HEATR5B: variants seen among roughly 807,000 people sequenced by gnomAD.
HEATR5B encodes the protein HEAT repeat-containing protein 5B.
In HEATR5B, 156 loss-of-function variants were observed where a neutral mutation model predicts 224.1. The observed-to-expected ratio is 0.70, with a 90% CI of 0.61 to 0.80. The LOEUF (loss-of-function observed/expected upper bound fraction) is 0.80, where lower values mean the gene tolerates loss of function less well. Ranked by LOEUF, HEATR5B falls within the 30% of genes least tolerant of loss-of-function variation. The probability of loss-of-function intolerance (pLI) is 0.00; values close to 1 mark genes in which losing one functional copy is unlikely to be tolerated. For synonymous variants in HEATR5B, 1,027 were observed against 893.0 expected (o/e 1.15, Z -2.68); for missense variants, 2,323 against 2,535.5 (o/e 0.92, Z 1.80).
intron 2 of HEATR5B, among the ~76,000 whole-genome samples, chr2:37,081,739 G>A (rs560516412): frequency 2.6e-5 from 4 of 152,092 alleles, no homozygotes; most frequent in African/African-American, 7.2e-5. Flanking sequence ...GCACAGTTGC[G>A]GTCTGGGAAA....
intron 10 of HEATR5B, 84 bp downstream of exon 10, chr2:37,064,656 C>T: frequency 7.2e-7 from 1 of 1,383,976 alleles, no homozygotes; most frequent in Non-Finnish European, 1.0e-6. Flanking sequence ...TTTGACCACC[C>T]TGTTCAACAC....
At chr2:37,018,780 T>A (rs1047307902) in intron 26 of HEATR5B, among the ~76,000 whole-genome samples, 1 of 152,152 alleles carries the variant, frequency 6.6e-6, no homozygotes. Context: ...ATAAACTGAT[T>A]ACCTAAAAGA....
intron 33 of HEATR5B, among the ~76,000 whole-genome samples, chr2:36,992,742 T>A (rs1006890825): frequency 1.4e-4 from 21 of 152,146 alleles, no homozygotes; most frequent in Admixed American, 2.0e-4. Flanking sequence ...AAAAATTATT[T>A]TTTTTTCTTT....
At chr2:36,990,205 T>A (rs1045545954) in intron 34 of HEATR5B, among the ~76,000 whole-genome samples, 1 of 152,162 alleles carries the variant, frequency 6.6e-6, no homozygotes, top group African/African-American at 2.4e-5. Context: ...TTCAAGAATG[T>A]TTCTGCTTTT....
intron 33 of HEATR5B, among the ~76,000 whole-genome samples, chr2:36,996,973 T>C (rs897036827): frequency 1.8e-5 from 2 of 111,046 alleles, no homozygotes; most frequent in East Asian, 2.8e-4. Context: ...TCAACCCACC[T>C]TGACCTCCTA....
At chr2:37,066,088 T>C (rs552678586) in intron 8 of HEATR5B, among the ~76,000 whole-genome samples, 178 bp from the exon 9 acceptor site, 1 of 152,374 alleles carries the variant, frequency 6.6e-6, no homozygotes, top group East Asian at 1.9e-4. Flanking sequence ...AAAAATGTTG[T>C]TTAATAGCTT....
intron 5 of HEATR5B, among the ~76,000 whole-genome samples, chr2:37,073,543 C>A (rs1013498228): frequency 6.6e-6 from 1 of 151,856 alleles, no homozygotes; most frequent in East Asian, 1.9e-4. Flanking sequence ...CACGCCCAGC[C>A]TGGACGTTGA....
intron 20 of HEATR5B, among the ~76,000 whole-genome samples, chr2:37,039,366 T>C (rs191044812): frequency 6.6e-6 from 1 of 152,024 alleles, no homozygotes; most frequent in Admixed American, 6.6e-5. Flanking sequence ...CTCAGGAGGC[T>C]GAGGCAGGAG....
intron 12 of HEATR5B, 60 bp downstream of exon 12, chr2:37,060,521 A>C: frequency 7.3e-7 from 1 of 1,376,334 alleles, no homozygotes; most frequent in Non-Finnish European, 9.7e-7. Context: ...TTTTTCTTTT[A>C]CTTTACAAAT....
chr2:37,075,583 G>C lies in HEATR5B; in HGVS notation c.499C>G (p.Leu167Val). The part of the protein sequence containing the change: ...LMSLQKVLSG[L>V]GGAAASSHRD... ...TGGGAGGAAGCTGCTGCACCACCCA[G>C]TCCACTTAGAACTTTCTGTAGACTC... The change falls in exon 5 of 36, where the codon CTG (leucine) becomes GTG (valine). Residue 167 changes from leucine (L) to valine (V), a missense_variant. Around this residue, in one of 12 missense-constraint regions of HEATR5B, gnomAD observed 292 missense variants for 332.6 expected, o/e 0.88. Transcript: ENST00000233099. The C allele has an allele frequency of 6.2e-7, 1 of 1,613,410 alleles. No homozygotes were observed. The highest frequency in any genetic ancestry group is 8.5e-7 in the Non-Finnish European group (1 of 1,179,392).
At chr2:37,036,587 C>G (rs949387844) in intron 21 of HEATR5B, among the ~76,000 whole-genome samples, 9 of 151,964 alleles carry the variant, frequency 5.9e-5, no homozygotes, top group Non-Finnish European at 1.0e-4. Context: ...TCTTGGCTCA[C>G]TATAACCTCC....
intron 18 of HEATR5B, among the ~76,000 whole-genome samples, chr2:37,049,313 A>G (rs1670389301): frequency 6.6e-6 from 1 of 152,208 alleles, no homozygotes; most frequent in South Asian, 2.1e-4. Flanking sequence ...ATAAAGAGGG[A>G]CAAGGAAAGG....
At position 37,056,461 on chromosome 2, in the gene HEATR5B, G is replaced by C. The variant is rs753809623; in HGVS notation, c.2378C>G (p.Pro793Arg). ...TAACCGGTGTTTATAAGAAACATGA[G>C]GAAACACTACACCAAAAAGGGCCAC... is the stretch of plus-strand genomic sequence containing the variant. ...ASVALFGVVF[P>R]HVSYKHRLQM... The change falls in exon 16 of 36, where the codon CCT (proline) becomes CGT (arginine). Residue 793 changes from proline to arginine, a missense_variant. Around this residue, in one of 12 missense-constraint regions of HEATR5B, gnomAD observed 170 missense variants for 216.7 expected, o/e 0.78. Transcript: ENST00000233099. 1 of 1,606,882 alleles carries C rather than the reference G, an allele frequency of 6.2e-7. No homozygotes were observed. The highest frequency in any genetic ancestry group is 8.5e-7 in the Non-Finnish European group (1 of 1,177,326).
chr2:37,050,848 GC>G (rs1451831516), intron 17 of HEATR5B, among the ~76,000 whole-genome samples: 1 of 152,092 alleles, frequency 6.6e-6, no homozygotes, highest in Non-Finnish European at 1.5e-5. Flanking sequence ...GACCATCCTG[GC>G]CAACATGGTG....
intron 12 of HEATR5B, among the ~76,000 whole-genome samples, chr2:37,059,470 T>TTA (rs1671141279): frequency 1.5e-5 from 2 of 132,930 alleles, no homozygotes; most frequent in Non-Finnish European, 3.2e-5. Flanking sequence ...ATATATTTTT[T>TTA]TTTTTTTTTT....
intron 21 of HEATR5B, 27 bp from the exon 22 acceptor site, chr2:37,032,800 T>C (rs749392930): frequency 6.2e-7 from 1 of 1,601,338 alleles, no homozygotes. Context: ...TGTTAGGCGA[T>C]TTCTCTTTAA....
At chr2:37,075,714 T>C (rs1672187712) in intron 4 of HEATR5B, 80 bp from the exon 5 acceptor site, 1 of 1,053,868 alleles carries the variant, frequency 9.5e-7, no homozygotes. Context: ...CAAAAGTTCT[T>C]TGGGTCTAAT....
intron 31 of HEATR5B, among the ~76,000 whole-genome samples, chr2:37,003,197 G>C (rs375524849): frequency 1.3e-4 from 19 of 141,200 alleles, no homozygotes; most frequent in African/African-American, 4.8e-4. Context: ...TGAGGCTGCA[G>C]TAAGCCGAGA....
chr2:37,058,370 A>G (rs1433158573), intron 14 of HEATR5B, 81 bp downstream of exon 14: 2 of 787,360 alleles, frequency 2.5e-6, no homozygotes, highest in Non-Finnish European at 2.2e-6. Flanking sequence ...AGTCAGTGGG[A>G]GAGCCTTTGT....
Sources: allele counts gnomAD v4.1 joint callset (sites outside exome capture counted in the v4.1 genomes callset), GRCh38; gene constraint gnomAD v4.1.1; regional missense constraint gnomAD v4.1.1; transcripts MANE v1.5; gene names NCBI Gene and HGNC (gene_info 2026-07-23, HGNC 2026-07-21).